The following TENM3 variants were observed in gnomAD, a reference collection of about 807,000 sequenced individuals.
TENM3 encodes teneurin-3.
A neutral mutation model predicts 255.1 loss-of-function variants in TENM3; 63 were observed. The observed-to-expected ratio is 0.25, with a 90% confidence interval of 0.20 to 0.30. TENM3 has a LOEUF of 0.30. Among genes scored for constraint, TENM3 ranks in the 10% least tolerant of loss-of-function variants. TENM3 has a pLI of 1.00. For missense variants in TENM3, 2,929 were observed against 3,461.1 expected, an observed-to-expected ratio of 0.85 and a Z score of 3.86; for synonymous variants, 1,306 against 1,322.3, an observed-to-expected ratio of 0.99 and a Z score of 0.27.
intron 24 of TENM3, among the ~76,000 whole-genome samples, chr4:182,783,519 T>C (rs1765354841): frequency 6.6e-6 from 1 of 151,894 alleles, no homozygotes; most frequent in Admixed American, 6.6e-5. Context: ...TTGGTGAATC[T>C]GACAATTATG....
At chr4:182,279,077 C>T (rs890383410) in intron 1 of TENM3, among the ~76,000 whole-genome samples, 1 of 152,168 alleles carries the variant, frequency 6.6e-6, no homozygotes, top group Non-Finnish European at 1.5e-5. Flanking sequence ...CGCAGCACTG[C>T]ACAAACCAGC....
the TENM3 span, among the ~76,000 whole-genome samples, chr4:181,903,205 A>AT: frequency 4.1e-5 from 6 of 146,094 alleles, no homozygotes; most frequent in African/African-American, 7.4e-5. Flanking sequence ...TTAATTTCTG[A>AT]TTTAAAAAAA....
intron 3 of TENM3, among the ~76,000 whole-genome samples, chr4:182,374,876 C>T (rs17073191): frequency 0.061 from 9,238 of 152,198 alleles, 367 homozygotes; most frequent in African/African-American, 0.098. Context: ...TTATCTTCCC[C>T]GTTATCTAAA....
At chr4:182,332,502 G>A (rs949266621) in intron 2 of TENM3, among the ~76,000 whole-genome samples, 1 of 152,088 alleles carries the variant, frequency 6.6e-6, no homozygotes, top group Non-Finnish European at 1.5e-5. Flanking sequence ...AGACCAGCCT[G>A]GCCAACATGG....
intron 1 of TENM3, among the ~76,000 whole-genome samples, chr4:182,282,894 G>GAAA (rs35385277): frequency 5.6e-5 from 4 of 70,910 alleles, no homozygotes; most frequent in Admixed American, 1.7e-4. Context: ...CTCCATTTCA[G>GAAA]AAAAAAAAAA....
chr4:181,520,477 A>G, the TENM3 span, among the ~76,000 whole-genome samples: 1 of 152,190 alleles, frequency 6.6e-6, no homozygotes, highest in African/African-American at 2.4e-5. Flanking sequence ...TGAAAGGCAC[A>G]TGACTGAAAG....
intron 24 of TENM3, among the ~76,000 whole-genome samples, chr4:182,777,507 GTT>G (rs1491508926): frequency 1.8e-5 from 2 of 113,720 alleles, no homozygotes; most frequent in African/African-American, 7.8e-5. Flanking sequence ...TACATAATGT[GTT>G]TATGTGTGTG....
intron 1 of TENM3, among the ~76,000 whole-genome samples, chr4:182,226,849 C>T (rs1756190939): frequency 6.6e-6 from 1 of 152,110 alleles, no homozygotes; most frequent in Non-Finnish European, 1.5e-5. Flanking sequence ...GCCACTCCAC[C>T]TATTCTCATG....
chr4:182,084,663 A>C, the TENM3 span, among the ~76,000 whole-genome samples: 1 of 152,218 alleles, frequency 6.6e-6, no homozygotes, highest in East Asian at 1.9e-4. Context: ...ATCATGATAG[A>C]GTATAAGTAG....
the TENM3 span, among the ~76,000 whole-genome samples, chr4:181,887,685 ACACG>A: frequency 2.0e-5 from 3 of 152,220 alleles, no homozygotes; most frequent in Non-Finnish European, 2.9e-5. Context: ...TCTCTTCTGC[ACACG>A]CTCTGATCAG....
chr4:182,547,482 C>G (rs1741559881), intron 3 of TENM3, among the ~76,000 whole-genome samples: 1 of 151,982 alleles, frequency 6.6e-6, no homozygotes, highest in African/African-American at 2.4e-5. Flanking sequence ...TAGTTTTTCC[C>G]TTTGTTTTCT....
At chr4:182,343,157 A>G (rs546210594) in intron 2 of TENM3, among the ~76,000 whole-genome samples, 2 of 152,310 alleles carry the variant, frequency 1.3e-5, no homozygotes, top group Admixed American at 1.3e-4. Context: ...CACATTTATG[A>G]GTGTCATAAA....
Position 182,752,073 on chromosome 4 carries a change from T to A in TENM3, c.3862+41T>A, listed in dbSNP as rs754770454. 2.4e-3 allele frequency: 2,219 copies of A among 920,322 alleles called. 16 individuals are homozygous for A. In the East Asian group the frequency reaches 0.037, roughly 15 times the overall value. 57.0% of individuals were successfully genotyped at this position (920,322 alleles called of 1,614,324 possible). A position where few individuals can be genotyped will look rare whatever the true frequency, so the allele number is the denominator to read the frequency against. On this transcript the variant is annotated intron_variant, in intron 20 of 27. Coordinates refer to ENST00000511685, the MANE Select transcript of TENM3 (RefSeq NM_001080477.4). ...GATTTGAGGATTTCTTTTTATTTAT[T>A]AAAAAAAAAAAAAAAGGGGTTGAAA...
At chr4:182,371,841 A>G (rs1324199923) in intron 3 of TENM3, among the ~76,000 whole-genome samples, 1 of 152,232 alleles carries the variant, frequency 6.6e-6, no homozygotes, top group Non-Finnish European at 1.5e-5. Context: ...GATGAGCAAT[A>G]AATATCTATT....
intron 3 of TENM3, among the ~76,000 whole-genome samples, chr4:182,427,947 C>CTTT (rs34463107): frequency 2.1e-5 from 3 of 142,938 alleles, no homozygotes; most frequent in South Asian, 2.2e-4. Context: ...AGCACTGTCA[C>CTTT]TTTTTTTTTT....
chr4:182,522,637 G>A (rs1560868468), intron 3 of TENM3, among the ~76,000 whole-genome samples: 2 of 152,194 alleles, frequency 1.3e-5, no homozygotes, highest in Non-Finnish European at 2.9e-5. Flanking sequence ...AGAACATGCA[G>A]GTTGGTTACA....
At chr4:182,262,872 C>G (rs1264497858) in intron 1 of TENM3, among the ~76,000 whole-genome samples, 1 of 152,100 alleles carries the variant, frequency 6.6e-6, no homozygotes, top group South Asian at 2.1e-4. Flanking sequence ...CACCACCACG[C>G]CCGGCTAATT....
chr4:182,621,640 TAA>T, intron 4 of TENM3, among the ~76,000 whole-genome samples: 1 of 74,350 alleles, frequency 1.3e-5, no homozygotes, highest in Non-Finnish European at 2.8e-5. Flanking sequence ...ATATAATATA[TAA>T]TACATATTAT....
At chr4:181,855,932 G>T in the TENM3 span, among the ~76,000 whole-genome samples, 18 of 144,826 alleles carry the variant, frequency 1.2e-4, no homozygotes, top group Non-Finnish European at 2.0e-4. Context: ...AAAGAGGGAG[G>T]GAAGGAAGAA....
Sources: allele counts gnomAD v4.1 joint callset (sites outside exome capture counted in the v4.1 genomes callset), GRCh38; gene constraint gnomAD v4.1.1; transcripts MANE v1.5; gene names NCBI Gene and HGNC (gene_info 2026-07-23, HGNC 2026-07-21).